The following CAMK4 variants were observed in gnomAD, a reference collection of about 807,000 sequenced individuals.
CAMK4 encodes calcium/calmodulin-dependent protein kinase type IV.
CAMK4 carries 22 observed loss-of-function variants against 44.9 expected under a neutral mutation model. The ratio of observed to expected loss-of-function variants is 0.49; its 90% CI spans 0.35 to 0.70. The LOEUF is 0.70. CAMK4 is among the 30% of genes least tolerant of loss of function. The probability of loss-of-function intolerance (pLI) is 0.01; values close to 1 mark genes in which losing one functional copy is unlikely to be tolerated. For missense variants in CAMK4, 498 were observed against 586.8 expected, an observed-to-expected ratio of 0.85 and a Z score of 1.56; for synonymous variants, 218 against 215.4, an observed-to-expected ratio of 1.01 and a Z score of -0.11.
intron 1 of CAMK4, among the ~76,000 whole-genome samples, chr5:111,335,661 A>G (rs117444164): frequency 6.6e-6 from 1 of 151,460 alleles, no homozygotes; most frequent in East Asian, 2.0e-4. Flanking sequence ...TGGGCTTTAT[A>G]CTTGAAACAT....
At chr5:111,259,286 A>AG (rs1280855400) in intron 1 of CAMK4, among the ~76,000 whole-genome samples, 1 of 152,264 alleles carries the variant, frequency 6.6e-6, no homozygotes, top group East Asian at 1.9e-4. Flanking sequence ...TGACAACTTA[A>AG]GAGTCTCTAA....
intron 2 of CAMK4, among the ~76,000 whole-genome samples, chr5:111,372,321 G>A (rs768679473): frequency 2.0e-5 from 3 of 152,098 alleles, no homozygotes; most frequent in Non-Finnish European, 2.9e-5. Flanking sequence ...GGTCAAAGGA[G>A]AGCGCTTATG....
chr5:111,473,168 C>T (rs1324474938), intron 7 of CAMK4, 143 bp from the exon 8 acceptor site: 2 of 687,104 alleles, frequency 2.9e-6, no homozygotes, highest in African/African-American at 3.6e-5. Context: ...TTTATAGCTT[C>T]ATACTGTGGT....
rs910844672 is a variant in CAMK4 at position 111,224,400 on chromosome 5, T to A, written c.-84T>A. 4.8e-6 allele frequency: 7 copies of A among 1,468,526 alleles called. No homozygotes were observed. In the African/African-American group the frequency reaches 8.9e-5, roughly 19 times the overall value. 91.0% of individuals were successfully genotyped at this position (1,468,526 alleles called of 1,614,324 possible). ...ACGCCGCCTCTCTCTCGCTCCTGCG[T>A]TCGCAGGCGGCGGCTGGCGGCCGGC... On this transcript the variant is annotated 5_prime_UTR_variant, in exon 1 of 11. Coordinates refer to ENST00000282356, the MANE Select transcript of CAMK4 (RefSeq NM_001744.6). The surrounding 1 kb of genome is among the most constrained non-coding windows in gnomAD (Gnocchi z 5.7).
At chr5:111,294,715 C>T (rs929174250) in intron 1 of CAMK4, among the ~76,000 whole-genome samples, 4 of 151,388 alleles carry the variant, frequency 2.6e-5, no homozygotes, top group African/African-American at 9.7e-5. Flanking sequence ...AACTCAGAAG[C>T]ACATGCATCT....
chr5:111,363,471 G>C (rs1286844740), intron 2 of CAMK4, among the ~76,000 whole-genome samples: 2 of 152,046 alleles, frequency 1.3e-5, no homozygotes, highest in Non-Finnish European at 2.9e-5. Context: ...AAACAGACAA[G>C]ATCCTTTCTG....
intron 7 of CAMK4, among the ~76,000 whole-genome samples, chr5:111,468,394 T>C (rs1261801461): frequency 6.6e-6 from 1 of 152,192 alleles, no homozygotes; most frequent in Non-Finnish European, 1.5e-5. Context: ...GTTTTGATAA[T>C]GAGGTGAGAA....
At chr5:111,455,500 G>C (rs896406792) in intron 7 of CAMK4, among the ~76,000 whole-genome samples, 1 of 152,206 alleles carries the variant, frequency 6.6e-6, no homozygotes, top group Non-Finnish European at 1.5e-5. Context: ...ACAGGTAAAA[G>C]AGAGAGTCCC....
intron 5 of CAMK4, among the ~76,000 whole-genome samples, chr5:111,420,928 G>A (rs374272562): frequency 2.6e-5 from 4 of 152,094 alleles, no homozygotes; most frequent in African/African-American, 7.2e-5. Context: ...AATTATTACA[G>A]GGTCCTGAGG....
At position 111,249,636 on chromosome 5, in the gene CAMK4, A is replaced by ATATATATATGTGTGTGTGTGTG. The variant is rs1168772730; in HGVS notation, c.161+25016_161+25037dup. Among the ~76,000 whole-genome samples the ATATATATATGTGTGTGTGTGTG allele has an allele frequency of 1.2e-4, 15 of 128,012 alleles. No homozygotes were observed. In the East Asian group the frequency reaches 2.9e-3, roughly 24 times the overall value. The allele number at this position is 128,012 out of a possible 152,430, so 84.0% of individuals were successfully genotyped here. On this transcript the variant is annotated intron_variant, in intron 1 of 10. Transcript: ENST00000282356. ...TTCTTTTATATTTGTGTGTATATATATATATATATGTGTGTGTGTGTGTAT... is the reference window on the plus strand; with the variant it reads ...TTCTTTTATATTTGTGTGTATATATATATATATATGTGTGTGTGTGTGTATATATATGTGTGTGTGTGTGTAT...
chr5:111,293,439 T>C (rs1477599533), intron 1 of CAMK4, among the ~76,000 whole-genome samples: 1 of 152,100 alleles, frequency 6.6e-6, no homozygotes, highest in Non-Finnish European at 1.5e-5. Context: ...TCTACTTTTT[T>C]TTTTTGAGAT....
rs763415037 is a variant in CAMK4 at position 111,394,706 on chromosome 5, C to T, written c.387-4C>T. The T allele has an allele frequency of 1.9e-6, 3 of 1,603,874 alleles. No individual in the cohort carries two copies. The highest frequency in any genetic ancestry group is 2.6e-6 in the Non-Finnish European group (3 of 1,173,306). On this transcript the variant is annotated splice_region_variant and splice_polypyrimidine_tract_variant and intron_variant, in intron 4 of 10. Coordinates refer to ENST00000282356, the MANE Select transcript of CAMK4 (RefSeq NM_001744.6). Reference sequence around the variant, plus strand: ...GAGAAGCATTTCCTTTCTTTTTGTTCCAGGATTGTGGAAAAGGGATATTAC... The same window carrying T: ...GAGAAGCATTTCCTTTCTTTTTGTTTCAGGATTGTGGAAAAGGGATATTAC...
At chr5:111,295,381 C>T (rs892889613) in intron 1 of CAMK4, among the ~76,000 whole-genome samples, 1 of 152,174 alleles carries the variant, frequency 6.6e-6, no homozygotes, top group Non-Finnish European at 1.5e-5. Flanking sequence ...AGTCAATATT[C>T]TGCTGCTGCA....
intron 7 of CAMK4, among the ~76,000 whole-genome samples, chr5:111,453,027 T>C (rs1478779261): frequency 6.6e-6 from 1 of 152,164 alleles, no homozygotes; most frequent in Non-Finnish European, 1.5e-5. Flanking sequence ...GCGGGGGCAG[T>C]CTTGGAAGTC....
intron 4 of CAMK4, among the ~76,000 whole-genome samples, chr5:111,386,335 G>A (rs1419034702): frequency 6.6e-6 from 1 of 152,124 alleles, no homozygotes; most frequent in Non-Finnish European, 1.5e-5. Context: ...TTTACTCTCT[G>A]TCATTTGATC....
intron 7 of CAMK4, among the ~76,000 whole-genome samples, chr5:111,450,081 G>A (rs541970267): frequency 3.9e-4 from 60 of 152,180 alleles, no homozygotes; most frequent in Non-Finnish European, 7.1e-4. Context: ...CACTTTGGGA[G>A]GCCAAGGTAG....
chr5:111,476,820 C>T (rs1755262874), intron 8 of CAMK4, among the ~76,000 whole-genome samples: 1 of 152,192 alleles, frequency 6.6e-6, no homozygotes, highest in South Asian at 2.1e-4. Context: ...CTTCAGCTTT[C>T]AACACTACAG....
chr5:111,278,661 T>C (rs930772011), intron 1 of CAMK4, among the ~76,000 whole-genome samples: 1 of 152,176 alleles, frequency 6.6e-6, no homozygotes, highest in Admixed American at 6.5e-5. Context: ...CAAAATCTAA[T>C]GTAGTAGTTT....
chr5:111,443,198 T>G (rs1753886316), intron 5 of CAMK4, among the ~76,000 whole-genome samples: 1 of 142,558 alleles, frequency 7.0e-6, no homozygotes, highest in African/African-American at 2.6e-5. Context: ...AAATAGTGAC[T>G]CCTGACATTT....
Sources: allele counts gnomAD v4.1 joint callset (sites outside exome capture counted in the v4.1 genomes callset), GRCh38; gene constraint gnomAD v4.1.1; non-coding constraint Gnocchi (gnomAD v3.1); transcripts MANE v1.5; gene names NCBI Gene and HGNC (gene_info 2026-07-23, HGNC 2026-07-21).